The following TMEM230 variants were observed in gnomAD, a reference collection of about 807,000 sequenced individuals.
The protein encoded by TMEM230 is transmembrane protein 230, also known as UPF0414 transmembrane protein C20orf30.
A neutral mutation model predicts 15.8 loss-of-function variants in TMEM230; 10 were observed. That is an observed-to-expected ratio of 0.63 (90% CI 0.39 to 1.07). TMEM230 has a LOEUF of 1.07. Ranked by LOEUF, TMEM230 falls within the 50% of genes least tolerant of loss-of-function variation. The pLI, the probability that TMEM230 is intolerant of heterozygous loss-of-function variation, is 0.01. For synonymous variants in TMEM230, 67 were observed against 76.9 expected, an observed-to-expected ratio of 0.87 and a Z score of 0.68; for missense variants, 165 against 193.3, an observed-to-expected ratio of 0.85 and a Z score of 0.87.
chr20:5,067,408 C>CTT, downstream of TMEM230: 1 of 82,414 alleles, frequency 1.2e-5, no homozygotes, highest in African/African-American at 5.2e-5. Flanking sequence ...AGTGTTTAGG[C>CTT]TCATATATAT....
At chr20:5,091,926 G>C (rs1199099741) in intron 3 of TMEM230, among the ~76,000 whole-genome samples, 1 of 152,210 alleles carries the variant, frequency 6.6e-6, no homozygotes, top group Non-Finnish European at 1.5e-5. Flanking sequence ...TGCATTCAAA[G>C]TTCTGTGGTC....
At position 5,111,607 on chromosome 20, in the gene TMEM230, TAAAAAAAAAAAAAAAAAAAAAAA is replaced by T. The variant is rs758119588; in HGVS notation, c.69-25_69-3del. ...CTGGGCGACAGAACTAGACTCCATC[TAAAAAAAAAAAAAAAAAAAAAAA>T]AAAAAAAAAAAAAAAAATTCAGTAT... On this transcript the variant is annotated splice_region_variant and splice_polypyrimidine_tract_variant and intron_variant, in intron 1 of 4. Transcript: ENST00000342308. 8.5e-3 allele frequency: 500 copies of T among 58,964 alleles called. 38 individuals are homozygous for T. The highest frequency in any genetic ancestry group is 0.013 in the Non-Finnish European group (446 of 34,194). 3.7% of individuals were successfully genotyped at this position (58,964 alleles called of 1,614,324 possible).
intron 4 of TMEM230, among the ~76,000 whole-genome samples, chr20:5,104,403 C>T (rs746292014): frequency 4.6e-5 from 7 of 152,038 alleles, no homozygotes; most frequent in Non-Finnish European, 1.0e-4. Context: ...CGAATGCTAG[C>T]GAGGACGTGG....
chr20:5,095,640 A>C (rs866317494), downstream of TMEM230, among the ~76,000 whole-genome samples: 8 of 152,172 alleles, frequency 5.3e-5, no homozygotes, highest in Non-Finnish European at 1.0e-4. Flanking sequence ...GTCCAGTCTC[A>C]AGGTGAGGAG....
intron 1 of TMEM230, 64 bp downstream of exon 1, chr20:5,112,897 T>A: frequency 6.5e-7 from 1 of 1,547,812 alleles, no homozygotes; most frequent in Non-Finnish European, 8.7e-7. Flanking sequence ...GGGAGCGCGG[T>A]CTCGGACACG....
chr20:5,091,027 G>T (rs958579139), intron 3 of TMEM230, among the ~76,000 whole-genome samples: 2 of 152,020 alleles, frequency 1.3e-5, no homozygotes, highest in Non-Finnish European at 2.9e-5. Flanking sequence ...TTTAGGCAGG[G>T]TCTCGCTGTC....
At position 5,100,085 on chromosome 20, in the gene TMEM230, C is replaced by T. The variant is rs1268358678; in HGVS notation, c.*706G>A. Reference sequence around the variant, plus strand: ...ACTACATGTTTCATTAGGAAACAGCCAAAAGTCCGGCCGTTAAAGGAATAA... The same window carrying T: ...ACTACATGTTTCATTAGGAAACAGCTAAAAGTCCGGCCGTTAAAGGAATAA... On this transcript the variant is annotated 3_prime_UTR_variant, in exon 5 of 5. Transcript: ENST00000342308. 2.0e-6 allele frequency: 2 copies of T among 985,226 alleles called. No homozygotes were observed. Among genetic ancestry groups the T allele is most frequent in the East Asian group, 2.3e-4 (2 of 8,830 alleles). 61.0% of individuals were successfully genotyped at this position (985,226 alleles called of 1,614,324 possible). A position where few individuals can be genotyped will look rare whatever the true frequency, so the allele number is the denominator to read the frequency against.
intron 1 of TMEM230, 135 bp downstream of exon 1, chr20:5,112,826 G>A (rs776728174): frequency 4.0e-5 from 61 of 1,526,446 alleles, no homozygotes; most frequent in Non-Finnish European, 5.3e-5. Flanking sequence ...TCTGGAAAGA[G>A]GCCAACTGTG....
the TMEM230 span, among the ~76,000 whole-genome samples, chr20:5,059,716 C>T: frequency 1.3e-5 from 2 of 151,204 alleles, no homozygotes; most frequent in Non-Finnish European, 1.5e-5. Flanking sequence ...AGGGATCCTC[C>T]CACTCAGCCT....
At chr20:5,088,943 A>G (rs1568489243) in intron 3 of TMEM230, among the ~76,000 whole-genome samples, 1 of 152,240 alleles carries the variant, frequency 6.6e-6, no homozygotes, top group African/African-American at 2.4e-5. Context: ...TAGATTTTAA[A>G]GGGATCACTC....
At chr20:5,097,962 A>T (rs1600364932), downstream of TMEM230, among the ~76,000 whole-genome samples, 1 of 135,230 alleles carries the variant, frequency 7.4e-6, no homozygotes, top group African/African-American at 2.7e-5. Context: ...ATCTTATCTA[A>T]CTCAGGATTT....
chr20:5,091,330 C>T (rs1291782793), intron 3 of TMEM230, among the ~76,000 whole-genome samples: 1 of 152,140 alleles, frequency 6.6e-6, no homozygotes, highest in African/African-American at 2.4e-5. Flanking sequence ...CCTGCCTTGG[C>T]CTTCCAAGTA....
At chr20:5,082,625 T>C (rs2089215309) in intron 3 of TMEM230, among the ~76,000 whole-genome samples, 1 of 151,750 alleles carries the variant, frequency 6.6e-6, no homozygotes, top group Non-Finnish European at 1.5e-5. Flanking sequence ...GTACCATTAG[T>C]AGAGACAGGG....
chr20:5,080,786 C>T (rs2089155505), intron 3 of TMEM230, among the ~76,000 whole-genome samples: 1 of 152,174 alleles, frequency 6.6e-6, no homozygotes, highest in South Asian at 2.1e-4. Context: ...AGGCGATCCA[C>T]TCACCTTGGC....
downstream of TMEM230, among the ~76,000 whole-genome samples, chr20:5,067,590 C>A (rs2326586): frequency 6.7e-6 from 1 of 149,568 alleles, no homozygotes; most frequent in Non-Finnish European, 1.5e-5. Flanking sequence ...ACTACAAGTG[C>A]GTGCCACCAC....
the TMEM230 span, among the ~76,000 whole-genome samples, chr20:5,061,679 G>A: frequency 1.3e-5 from 2 of 152,130 alleles, no homozygotes; most frequent in East Asian, 1.9e-4. Context: ...AAGAATCTCA[G>A]GGGAAAGCTG....
intron 4 of TMEM230, among the ~76,000 whole-genome samples, chr20:5,104,289 G>A (rs1338292712): frequency 1.3e-5 from 2 of 152,136 alleles, no homozygotes; most frequent in African/African-American, 4.8e-5. Context: ...CGAACTCCTG[G>A]GCTCAAGTGA....
the TMEM230 span, among the ~76,000 whole-genome samples, chr20:5,059,151 T>G: frequency 2.0e-5 from 3 of 152,126 alleles, no homozygotes; most frequent in African/African-American, 7.2e-5. Context: ...ATTTTTGTTT[T>G]CTTTCTTTTA....
chr20:5,086,043 C>T (rs891780893), intron 3 of TMEM230, among the ~76,000 whole-genome samples: 3 of 152,034 alleles, frequency 2.0e-5, no homozygotes, highest in Non-Finnish European at 4.4e-5. Flanking sequence ...ATAATTTAAG[C>T]TATACATTTA....
Sources: allele counts gnomAD v4.1 joint callset (sites outside exome capture counted in the v4.1 genomes callset), GRCh38; gene constraint gnomAD v4.1.1; transcripts MANE v1.5; gene names NCBI Gene and HGNC (gene_info 2026-07-23, HGNC 2026-07-21).